TCEA1: variants seen among roughly 807,000 people sequenced by gnomAD.
TCEA1 encodes transcription elongation factor A protein 1.
Under a neutral mutation model 43.8 loss-of-function variants are expected in TCEA1, and 21 were observed. That is an observed-to-expected ratio of 0.48 (90% CI 0.34 to 0.69). The LOEUF (loss-of-function observed/expected upper bound fraction) is 0.69, where lower values mean the gene tolerates loss of function less well. Among genes scored for constraint, TCEA1 ranks in the 30% least tolerant of loss-of-function variants. The pLI, the probability that TCEA1 is intolerant of heterozygous loss-of-function variation, is 0.01. For missense variants in TCEA1, 250 were observed against 365.1 expected (o/e 0.68, Z 2.57); for synonymous variants, 104 against 117.5 (o/e 0.88, Z 0.75).
chr8:53,988,706 T>C (rs890403379), intron 4 of TCEA1, among the ~76,000 whole-genome samples: 2 of 151,974 alleles, frequency 1.3e-5, no homozygotes, highest in Admixed American at 6.6e-5. Flanking sequence ...AAGCTCCACC[T>C]CCCAGGTTCA....
intron 4 of TCEA1, among the ~76,000 whole-genome samples, chr8:53,989,700 C>T (rs1196529440): frequency 1.3e-5 from 2 of 152,062 alleles, no homozygotes; most frequent in Non-Finnish European, 1.5e-5. Flanking sequence ...TAGCATAATG[C>T]CTCTCAGTGA....
Position 53,998,226 on chromosome 8 carries a change from A to G in TCEA1, c.232+1719T>C, listed in dbSNP as rs368560949. Among the ~76,000 whole-genome samples, 17 of 152,344 alleles carry G rather than the reference A, an allele frequency of 1.1e-4. 1 individual carries two copies. The South Asian group carries it at 2.7e-3, about 24-fold the overall frequency. On this transcript the variant is annotated intron_variant, in intron 3 of 9. Transcript: ENST00000521604. ...GCCAGTAAAAACTGATGAAATCTGA[A>G]TAAGGTCTGTAGACTGTATCACTGT...
chr8:53,996,901 G>GTATTTTTTTTTTTTT lies in TCEA1; in HGVS notation c.232+3043_232+3044insAAAAAAAAAAAAATA, dbSNP rs1563494161. ...CTAGCTAAGGGGTAAAAAGAAGGTT[G>GTATTTTTTTTTTTTT]TCTTTTTTTTTTTTTTTAGACAGAC... On this transcript the variant is annotated intron_variant, in intron 3 of 9. Transcript: ENST00000521604. Among the ~76,000 whole-genome samples, 5 of 90,196 alleles carry GTATTTTTTTTTTTTT rather than the reference G, an allele frequency of 5.5e-5. No homozygotes were observed. In the South Asian group the frequency reaches 2.0e-3, roughly 35 times the overall value. The allele number at this position is 90,196 out of a possible 152,430, so 59.2% of individuals were successfully genotyped here.
chr8:53,992,492 C>T (rs994430084), intron 4 of TCEA1, among the ~76,000 whole-genome samples: 1 of 152,034 alleles, frequency 6.6e-6, no homozygotes, highest in African/African-American at 2.4e-5. Flanking sequence ...CGCCTGTAAT[C>T]CCAGCTACTT....
At chr8:53,997,735 AT>A (rs1804107928) in intron 3 of TCEA1, among the ~76,000 whole-genome samples, 1 of 152,246 alleles carries the variant, frequency 6.6e-6, no homozygotes. Context: ...TCTGTCTCAA[AT>A]TAGTAAATAA....
Position 54,022,320 on chromosome 8 carries a change from A to C in TCEA1, c.-195T>G. The C allele has an allele frequency of 1.5e-6, 1 of 646,414 alleles. No individual in the cohort carries two copies. The highest frequency in any genetic ancestry group is 2.7e-6 in the Non-Finnish European group (1 of 375,420). 40.0% of individuals were successfully genotyped at this position (646,414 alleles called of 1,614,324 possible). A position where few individuals can be genotyped will look rare whatever the true frequency, so the allele number is the denominator to read the frequency against. ...GCGGCGGCTCCGGCTCCTCCTCCCC[A>C]GGCAGCGACAATCGAACACCGCGCG... On this transcript the variant is annotated 5_prime_UTR_variant, in exon 1 of 10. Transcript: ENST00000521604.
chr8:54,013,113 A>T (rs974154613), intron 1 of TCEA1, among the ~76,000 whole-genome samples: 2 of 152,342 alleles, frequency 1.3e-5, no homozygotes, highest in East Asian at 3.9e-4. Flanking sequence ...GAAGTTCCTT[A>T]AAAAGCAGGG....
chr8:53,978,266 A>C (rs1302340618), intron 8 of TCEA1, among the ~76,000 whole-genome samples: 1 of 152,188 alleles, frequency 6.6e-6, no homozygotes, highest in Admixed American at 6.5e-5. Context: ...TTTTAAAAAA[A>C]ATCATTCTTA....
At chr8:54,015,125 T>A (rs73590837) in intron 1 of TCEA1, among the ~76,000 whole-genome samples, 1 of 152,152 alleles carries the variant, frequency 6.6e-6, no homozygotes, top group African/African-American at 2.4e-5. Flanking sequence ...TAATGTCTTC[T>A]TCATAGGCAT....
At chr8:54,012,111 G>A (rs9643824) in intron 1 of TCEA1, among the ~76,000 whole-genome samples, 58,510 of 152,026 alleles carry the variant, frequency 0.38, 15,977 homozygotes, top group East Asian at 0.74. Context: ...TGAAGTCTTC[G>A]ATCCCTTATC....
chr8:54,012,551 T>TC (rs1451448242), intron 1 of TCEA1, among the ~76,000 whole-genome samples: 1 of 152,122 alleles, frequency 6.6e-6, no homozygotes, highest in African/African-American at 2.4e-5. Context: ...AGAGCGAGAC[T>TC]CCGTCTCAAA....
rs529615181 is a variant in TCEA1 at position 54,006,495 on chromosome 8, C to T, written c.126+3935G>A. Among the ~76,000 whole-genome samples, 8 of 152,136 alleles carry T rather than the reference C, an allele frequency of 5.3e-5. No homozygotes were observed. In the South Asian group the frequency reaches 6.2e-4, roughly 12 times the overall value. ...ACTCCATCTCAAAGAAAAAAAAAAC[C>T]TCGAATGTTTGTTATATAAATACAC... On this transcript the variant is annotated intron_variant, in intron 2 of 9. Coordinates refer to ENST00000521604, the MANE Select transcript of TCEA1 (RefSeq NM_006756.4).
chr8:54,003,832 C>T (rs1225638746), intron 2 of TCEA1, among the ~76,000 whole-genome samples: 2 of 150,960 alleles, frequency 1.3e-5, no homozygotes, highest in Non-Finnish European at 3.0e-5. Context: ...TGAACACCAT[C>T]GAGAAAGCAA....
At chr8:54,009,286 A>T (rs1026410875) in intron 2 of TCEA1, among the ~76,000 whole-genome samples, 1 of 152,190 alleles carries the variant, frequency 6.6e-6, no homozygotes, top group Non-Finnish European at 1.5e-5. Context: ...CAAGAACTAA[A>T]AATTGAAGTA....
At chr8:54,002,468 C>CA (rs113615731) in intron 2 of TCEA1, among the ~76,000 whole-genome samples, 19,224 of 106,674 alleles carry the variant, frequency 0.18, 2,789 homozygotes, top group African/African-American at 0.43. Flanking sequence ...GACTCCGTCT[C>CA]AAAAAAAAAA....
At chr8:53,986,942 A>T in intron 6 of TCEA1, 27 bp downstream of exon 6, 1 of 1,533,396 alleles carries the variant, frequency 6.5e-7, no homozygotes, top group Non-Finnish European at 8.8e-7. Context: ...TAAAAAAAAC[A>T]ATTATGAATA....
At chr8:53,982,379 G>A (rs571063077) in intron 7 of TCEA1, among the ~76,000 whole-genome samples, 2 of 152,036 alleles carry the variant, frequency 1.3e-5, no homozygotes, top group African/African-American at 2.4e-5. Flanking sequence ...AGGCCGAGGC[G>A]GGTGGATCAC....
chr8:53,977,191 G>A (rs559914209), intron 8 of TCEA1, among the ~76,000 whole-genome samples: 1 of 152,222 alleles, frequency 6.6e-6, no homozygotes, highest in African/African-American at 2.4e-5. Context: ...GTTGTGGTGG[G>A]TGCCTGTAGT....
intron 8 of TCEA1, among the ~76,000 whole-genome samples, chr8:53,977,627 GTCCCTTAAGGAGACAA>G (rs1803372731): frequency 6.6e-6 from 1 of 151,978 alleles, no homozygotes; most frequent in Non-Finnish European, 1.5e-5. Context: ...ATAGTAAGTT[GTCCCTTAAGGAGACAA>G]TCTTGAGTTT....
Sources: gnomAD v4.1 joint callset for allele counts (sites outside exome capture counted in the v4.1 genomes callset) on GRCh38, gnomAD v4.1.1 for gene constraint, MANE v1.5 for transcripts, NCBI Gene and HGNC (gene_info 2026-07-23, HGNC 2026-07-21) for gene names.